The following SACM1L variants were observed in gnomAD, a reference collection of about 807,000 sequenced individuals.
SACM1L encodes phosphatidylinositol-3-phosphatase SAC1.
In SACM1L, 32 loss-of-function variants were observed where a neutral mutation model predicts 89.5. The ratio of observed to expected loss-of-function variants is 0.36; its 90% CI spans 0.27 to 0.48. SACM1L has a LOEUF of 0.48. SACM1L is among the 20% of genes least tolerant of loss of function. The probability of loss-of-function intolerance (pLI) is 0.99; values close to 1 mark genes in which losing one functional copy is unlikely to be tolerated. For synonymous variants in SACM1L, 213 were observed against 232.8 expected, an observed-to-expected ratio of 0.92 and a Z score of 0.77; for missense variants, 543 against 708.5, an observed-to-expected ratio of 0.77 and a Z score of 2.65.
chr3:45,727,173 C>CCG (rs1698940848), intron 11 of SACM1L, among the ~76,000 whole-genome samples: 1 of 21,738 alleles, frequency 4.6e-5, no homozygotes, highest in South Asian at 6.8e-4. Flanking sequence ...GCGTGAGCCA[C>CCG]CGCGCCCGGC....
chr3:45,724,331 G>A (rs911843589), intron 11 of SACM1L, among the ~76,000 whole-genome samples: 1 of 151,582 alleles, frequency 6.6e-6, no homozygotes, highest in African/African-American at 2.4e-5. Context: ...GTGTGTGTGT[G>A]TGTTTAATGA....
chr3:45,706,364 G>C (rs1698394288), intron 3 of SACM1L, among the ~76,000 whole-genome samples: 1 of 152,188 alleles, frequency 6.6e-6, no homozygotes, highest in Non-Finnish European at 1.5e-5. Context: ...GAAGGACATA[G>C]GAGTGGTGTG....
chr3:45,710,643 GA>G (rs2125690480), intron 5 of SACM1L, among the ~76,000 whole-genome samples: 1 of 151,928 alleles, frequency 6.6e-6, no homozygotes, highest in Non-Finnish European at 1.5e-5. Flanking sequence ...AGTGTTTAAT[GA>G]GAAGACAGAA....
chr3:45,721,488 C>G (rs1205248928), intron 8 of SACM1L, among the ~76,000 whole-genome samples: 1 of 152,228 alleles, frequency 6.6e-6, no homozygotes, highest in Admixed American at 6.5e-5. Context: ...TGCCATTGCA[C>G]TCCAGCCTGG....
At chr3:45,726,157 T>C (rs1698912296) in intron 11 of SACM1L, among the ~76,000 whole-genome samples, 1 of 152,134 alleles carries the variant, frequency 6.6e-6, no homozygotes, top group African/African-American at 2.4e-5. Context: ...GCCTGTAGTT[T>C]TCTTGTAATA....
At chr3:45,723,448 T>G in intron 10 of SACM1L, 27 bp from the exon 11 acceptor site, 1 of 1,161,070 alleles carries the variant, frequency 8.6e-7, no homozygotes, top group Non-Finnish European at 1.2e-6. Flanking sequence ...TGTACTCCAG[T>G]AAAATATGTA....
intron 11 of SACM1L, among the ~76,000 whole-genome samples, chr3:45,726,023 A>G (rs1364166669): frequency 1.3e-5 from 2 of 151,954 alleles, no homozygotes; most frequent in African/African-American, 4.8e-5. Flanking sequence ...TGTGTATTGA[A>G]CCAGCCTTAC....
chr3:45,698,468 A>T (rs896437981), intron 1 of SACM1L, among the ~76,000 whole-genome samples: 2 of 152,260 alleles, frequency 1.3e-5, no homozygotes, highest in Non-Finnish European at 2.9e-5. Flanking sequence ...TCTCAGAGAG[A>T]GAAGATCAAG....
chr3:45,695,432 T>C (rs1046989222), intron 1 of SACM1L, among the ~76,000 whole-genome samples: 7 of 152,060 alleles, frequency 4.6e-5, no homozygotes, highest in Admixed American at 3.3e-4. Flanking sequence ...GGCTAATTTT[T>C]GTATTGTTAG....
In SACM1L at chr3:45,735,298, T is replaced by C; in HGVS notation, c.1164T>C (p.Asn388=). Residue 388 remains asparagine, a synonymous_variant, in exon 14 of 20, where the codon AAT becomes AAC. Coordinates refer to ENST00000389061, the MANE Select transcript of SACM1L (RefSeq NM_014016.5). ...VANQEGVFRS[N]CMDCLDRTNV... ...ACCAGGAAGGCGTGTTCCGAAGCAA[T>C]TGCATGGATTGTCTAGATAGAACCA... 1 of 1,613,254 alleles carries C rather than the reference T, an allele frequency of 6.2e-7. No homozygotes were observed. Among genetic ancestry groups the C allele is most frequent in the African/African-American group, 1.3e-5 (1 of 74,962 alleles).
At chr3:45,714,232 A>AT in intron 7 of SACM1L, 153 bp downstream of exon 7, 2 of 239,018 alleles carry the variant, frequency 8.4e-6, no homozygotes, top group Non-Finnish European at 1.3e-5. Flanking sequence ...ACTCATTGCT[A>AT]TTTTGTTTGT....
chr3:45,728,871 A>G (rs1452260765), intron 11 of SACM1L, among the ~76,000 whole-genome samples: 1 of 151,950 alleles, frequency 6.6e-6, no homozygotes, highest in Admixed American at 6.6e-5. Context: ...TGGGGGTCTC[A>G]CTATATTGCC....
At chr3:45,719,425 T>A in intron 7 of SACM1L, 75 bp from the exon 8 acceptor site, 2 of 784,624 alleles carry the variant, frequency 2.5e-6, no homozygotes, top group African/African-American at 1.7e-5. Context: ...ATCATTAGGA[T>A]AGATAGATGC....
chr3:45,737,570 T>G lies in SACM1L; in HGVS notation c.1240-13T>G. 1 of 1,590,858 alleles carries G rather than the reference T, an allele frequency of 6.3e-7. No homozygotes were observed. The highest frequency in any genetic ancestry group is 8.5e-7 in the Non-Finnish European group (1 of 1,173,938). ...CTATTACACATAAATCTGGGTGTGG[T>G]TTTTTATTCCAGAGACTAGGAGTTT... On this transcript the variant is annotated splice_polypyrimidine_tract_variant and intron_variant, in intron 14 of 19. Coordinates refer to ENST00000389061, the MANE Select transcript of SACM1L (RefSeq NM_014016.5).
rs1474504644 is a variant in SACM1L at position 45,744,472 on chromosome 3, T to A, written c.*803T>A. 5 of 152,662 alleles carry A rather than the reference T, an allele frequency of 3.3e-5. No homozygotes were observed. The highest frequency in any genetic ancestry group is 1.3e-4 in the Admixed American group (2 of 15,286). 9.5% of individuals were successfully genotyped at this position (152,662 alleles called of 1,614,324 possible). A position where few individuals can be genotyped will look rare whatever the true frequency, so the allele number is the denominator to read the frequency against. ...TGCCCATGACTGGTCAGCTACTTCCTCCTATACATTTTGGTTTCTTTGAGG... is the reference window on the plus strand; with the variant it reads ...TGCCCATGACTGGTCAGCTACTTCCACCTATACATTTTGGTTTCTTTGAGG... On this transcript the variant is annotated 3_prime_UTR_variant, in exon 20 of 20. Transcript: ENST00000389061.
chr3:45,735,516 C>A, intron 14 of SACM1L, 143 bp downstream of exon 14: 1 of 765,206 alleles, frequency 1.3e-6, no homozygotes, highest in Non-Finnish European at 1.9e-6. Flanking sequence ...ATGGATGTCA[C>A]ATTTTCCATA....
chr3:45,723,667 C>T (rs1042510280), intron 11 of SACM1L, 124 bp downstream of exon 11: 3 of 332,166 alleles, frequency 9.0e-6, no homozygotes, highest in Non-Finnish European at 1.7e-5. Context: ...TAATGTGCAG[C>T]CATCATCACT....
intron 11 of SACM1L, among the ~76,000 whole-genome samples, chr3:45,723,936 G>A (rs1411125957): frequency 3.4e-5 from 5 of 145,666 alleles, no homozygotes; most frequent in African/African-American, 7.7e-5. Context: ...CATTGTGTAT[G>A]TGTATGCATA....
chr3:45,692,964 T>C (rs892426991), intron 1 of SACM1L, among the ~76,000 whole-genome samples: 4 of 152,222 alleles, frequency 2.6e-5, no homozygotes, highest in Non-Finnish European at 5.9e-5. Flanking sequence ...GTTAGAAATA[T>C]GTTAGGCAAC....
Sources: gnomAD v4.1 joint callset for allele counts (sites outside exome capture counted in the v4.1 genomes callset) on GRCh38, gnomAD v4.1.1 for gene constraint, MANE v1.5 for transcripts, NCBI Gene and HGNC (gene_info 2026-07-23, HGNC 2026-07-21) for gene names.